FAM13A: variants seen among roughly 807,000 people sequenced by gnomAD.
FAM13A encodes family with sequence similarity 13 member A, also known as protein FAM13A.
A neutral mutation model predicts 129.6 loss-of-function variants in FAM13A; 76 were observed. That is an observed-to-expected ratio of 0.59 (90% CI 0.49 to 0.71). The LOEUF (loss-of-function observed/expected upper bound fraction) is 0.71. Ranked by LOEUF, FAM13A falls within the 30% of genes least tolerant of loss-of-function variation. The pLI is 0.00. For missense variants in FAM13A, 1,108 were observed against 1,249.3 expected (o/e 0.89, Z 1.70); for synonymous variants, 443 against 449.9 (o/e 0.98, Z 0.20).
At chr4:88,939,986 A>G (rs1459191490) in intron 4 of FAM13A, among the ~76,000 whole-genome samples, 1 of 152,250 alleles carries the variant, frequency 6.6e-6, no homozygotes, top group Non-Finnish European at 1.5e-5. Flanking sequence ...TTGGCACAGT[A>G]AGATCAAGAG....
rs1736842450 is a variant in FAM13A at position 88,728,523 on chromosome 4, G to T, written c.*10C>A. ...CGCAGCTGCCAGCCCCCTGTGCTTG[G>T]CCATGCCCCTCACATGGACTTGGAA... On this transcript the variant is annotated 3_prime_UTR_variant, in exon 24 of 24. Transcript: ENST00000264344. The T allele has an allele frequency of 6.2e-7, 1 of 1,613,864 alleles. No individual in the cohort carries two copies.
At chr4:88,939,321 A>T (rs1424939677) in intron 4 of FAM13A, among the ~76,000 whole-genome samples, 7 of 152,080 alleles carry the variant, frequency 4.6e-5, no homozygotes, top group Non-Finnish European at 7.4e-5. Flanking sequence ...CAGGGCCAGC[A>T]TCTGCAAATC....
intron 5 of FAM13A, among the ~76,000 whole-genome samples, chr4:88,915,207 G>C (rs1342088065): frequency 6.6e-6 from 1 of 152,188 alleles, no homozygotes; most frequent in Admixed American, 6.5e-5. Context: ...CAACCCCATA[G>C]AAGTCTCTTC....
At chr4:88,767,526 T>C in intron 13 of FAM13A, 27 bp downstream of exon 13, 1 of 1,574,742 alleles carries the variant, frequency 6.4e-7, no homozygotes, top group African/African-American at 1.4e-5. Flanking sequence ...CCCGTCACAG[T>C]CTTACTCTTG....
At chr4:89,002,124 C>T (rs1006074437) in intron 3 of FAM13A, among the ~76,000 whole-genome samples, 1 of 148,482 alleles carries the variant, frequency 6.7e-6, no homozygotes, top group African/African-American at 2.5e-5. Flanking sequence ...CTTCCCAAGG[C>T]TCCACTGAAA....
At chr4:88,748,803 G>A in intron 17 of FAM13A, 149 bp downstream of exon 17, 1 of 699,248 alleles carries the variant, frequency 1.4e-6, no homozygotes, top group East Asian at 2.5e-5. Flanking sequence ...GAAGACCTGG[G>A]GAAGTGGTCA....
chr4:88,916,768 A>G (rs781351915), intron 5 of FAM13A, among the ~76,000 whole-genome samples: 2 of 152,104 alleles, frequency 1.3e-5, no homozygotes, highest in African/African-American at 2.4e-5. Context: ...TCACTTCTCT[A>G]TATAAAAAAG....
chr4:88,814,085 G>A (rs1354935548), intron 7 of FAM13A, among the ~76,000 whole-genome samples: 3 of 152,164 alleles, frequency 2.0e-5, no homozygotes, highest in Non-Finnish European at 2.9e-5. Flanking sequence ...AAGCGTTTAC[G>A]TGCATTATCT....
chr4:88,883,419 C>A (rs1233243131), intron 6 of FAM13A, among the ~76,000 whole-genome samples: 1 of 151,778 alleles, frequency 6.6e-6, no homozygotes, highest in Non-Finnish European at 1.5e-5. Context: ...GATCATTGGG[C>A]CAACAATGAA....
At chr4:89,038,462 TA>T (rs35626848) in intron 1 of FAM13A, among the ~76,000 whole-genome samples, 27 of 146,668 alleles carry the variant, frequency 1.8e-4, no homozygotes, top group Admixed American at 4.1e-4. Flanking sequence ...CAGAAAGCAA[TA>T]AAAAAAAAAT....
chr4:88,960,509 A>G (rs1758434767), intron 4 of FAM13A, among the ~76,000 whole-genome samples: 1 of 152,254 alleles, frequency 6.6e-6, no homozygotes, highest in African/African-American at 2.4e-5. Context: ...TCTCCTTCAA[A>G]GAAAGAGAAA....
intron 2 of FAM13A, among the ~76,000 whole-genome samples, chr4:89,026,045 G>C (rs1767921127): frequency 6.6e-6 from 1 of 152,170 alleles, no homozygotes; most frequent in African/African-American, 2.4e-5. Flanking sequence ...ATTATCCAAT[G>C]AATGTTGAGA....
intron 3 of FAM13A, among the ~76,000 whole-genome samples, chr4:88,993,901 G>C (rs1763223394): frequency 6.6e-6 from 1 of 151,732 alleles, no homozygotes; most frequent in African/African-American, 2.4e-5. Context: ...TGAGGCAGGA[G>C]AATCGCTTGA....
In FAM13A at chr4:88,737,465, T is replaced by C; in HGVS notation, c.2646+7A>G. 1 of 1,612,484 alleles carries C rather than the reference T, an allele frequency of 6.2e-7. No homozygotes were observed. The highest frequency in any genetic ancestry group is 8.5e-7 in the Non-Finnish European group (1 of 1,178,912). On this transcript the variant is annotated splice_region_variant and intron_variant, in intron 21 of 23. Coordinates refer to ENST00000264344, the MANE Select transcript of FAM13A (RefSeq NM_014883.4). ...TTTAGCAATGGGTTAGCAGCTGGGG[T>C]CTTCACCTTTATCTCCTTGAAGAAG...
intron 6 of FAM13A, among the ~76,000 whole-genome samples, chr4:88,887,124 A>G (rs1362849097): frequency 6.6e-6 from 1 of 152,066 alleles, no homozygotes; most frequent in Non-Finnish European, 1.5e-5. Flanking sequence ...AGAATGATAC[A>G]ACGGACTTTC....
chr4:88,777,032 C>T (rs80239864), intron 11 of FAM13A, among the ~76,000 whole-genome samples: 10,845 of 152,076 alleles, frequency 0.071, 449 homozygotes, highest in African/African-American at 0.088. Flanking sequence ...GAGTAAGTAG[C>T]AGAAGTAGGA....
At chr4:89,039,679 T>C (rs973465363) in intron 1 of FAM13A, among the ~76,000 whole-genome samples, 3 of 152,128 alleles carry the variant, frequency 2.0e-5, no homozygotes, top group African/African-American at 7.2e-5. Flanking sequence ...GAAGGATCAC[T>C]TGAGGCAAGG....
At position 88,887,752 on chromosome 4, in the gene FAM13A, C is replaced by G. The variant is rs1177795620; in HGVS notation, c.843+18627G>C. 3.3e-5 allele frequency among the ~76,000 whole-genome samples: 5 copies of G among 152,164 alleles called. No homozygotes were observed. In the South Asian group the frequency reaches 1.0e-3, roughly 32 times the overall value. On this transcript the variant is annotated intron_variant, in intron 6 of 23. Coordinates refer to ENST00000264344, the MANE Select transcript of FAM13A (RefSeq NM_014883.4). ...TTCACTATGTTGGCCAGGCTGGTCTCAAACTCCTGGCCTCCAGTGATCTGC... is the reference window on the plus strand; with the variant it reads ...TTCACTATGTTGGCCAGGCTGGTCTGAAACTCCTGGCCTCCAGTGATCTGC...
chr4:88,816,956 A>G (rs995346832), intron 7 of FAM13A, among the ~76,000 whole-genome samples: 6 of 152,216 alleles, frequency 3.9e-5, no homozygotes, highest in African/African-American at 1.4e-4. Context: ...TATTCATAAC[A>G]GCCAAAAGGT....
Sources: allele counts gnomAD v4.1 joint callset (sites outside exome capture counted in the v4.1 genomes callset), GRCh38; gene constraint gnomAD v4.1.1; transcripts MANE v1.5; gene names NCBI Gene and HGNC (gene_info 2026-07-23, HGNC 2026-07-21).